The following CDC45 variants were observed in gnomAD, a reference collection of about 807,000 sequenced individuals.
CDC45 encodes cell division control protein 45 homolog.
Under a neutral mutation model 77.8 loss-of-function variants are expected in CDC45, and 54 were observed. The ratio of observed to expected loss-of-function variants is 0.69; its 90% CI spans 0.56 to 0.87. The LOEUF is 0.87. Ranked by LOEUF, CDC45 falls within the 40% of genes least tolerant of loss-of-function variation. CDC45 has a pLI of 0.00. For synonymous variants in CDC45, 260 were observed against 272.1 expected, an observed-to-expected ratio of 0.96 and a Z score of 0.44; for missense variants, 649 against 721.6, an observed-to-expected ratio of 0.90 and a Z score of 1.15.
intron 9 of CDC45, among the ~76,000 whole-genome samples, chr22:19,504,576 G>C (rs1356208395): frequency 1.3e-5 from 2 of 152,084 alleles, no homozygotes; most frequent in Non-Finnish European, 2.9e-5. Flanking sequence ...TGGGATTACA[G>C]GCATGAGCCA....
chr22:19,479,980 C>T lies in CDC45; in HGVS notation c.12C>T (p.Ser4=). ...CGGCCGCCGTGGCTATGTTCGTGTCCGATTTCCGCAAAGAGTTCTACGAGG... is the reference window on the plus strand; with the variant it reads ...CGGCCGCCGTGGCTATGTTCGTGTCTGATTTCCGCAAAGAGTTCTACGAGG... MFV[S]DFRKEFYEVV... The change falls in exon 1 of 19, where the codon TCC becomes TCT. Residue 4 remains serine (S), a synonymous_variant. Transcript: ENST00000263201. 1 of 1,613,782 alleles carries T rather than the reference C, an allele frequency of 6.2e-7. No homozygotes were observed.
chr22:19,498,652 G>A (rs2090286382), intron 8 of CDC45, among the ~76,000 whole-genome samples: 1 of 152,246 alleles, frequency 6.6e-6, no homozygotes, highest in Non-Finnish European at 1.5e-5. Flanking sequence ...CCCCTGTGCT[G>A]GGGGCATGTG....
chr22:19,497,484 G>A (rs373281950), intron 8 of CDC45, 37 bp downstream of exon 8: 17 of 1,581,868 alleles, frequency 1.1e-5, no homozygotes, highest in African/African-American at 4.0e-5. Context: ...GGGAGTATTT[G>A]TTGCCTTGGT....
intron 9 of CDC45, chr22:19,505,102 G>A: frequency 2.0e-6 from 1 of 498,662 alleles, no homozygotes; most frequent in East Asian, 3.6e-5. Flanking sequence ...CCTCTGCGGT[G>A]CCCATTCTCA....
At chr22:19,517,744 C>T (rs942699655) in intron 17 of CDC45, among the ~76,000 whole-genome samples, 19 of 152,276 alleles carry the variant, frequency 1.2e-4, no homozygotes, top group African/African-American at 4.1e-4. Context: ...GTGTCCAAAC[C>T]GTTTCATCTT....
Position 19,514,960 on chromosome 22 carries a change from C to T in CDC45, c.1357-5C>T, listed in dbSNP as rs374028346. On this transcript the variant is annotated splice_region_variant and splice_polypyrimidine_tract_variant and intron_variant, in intron 14 of 18. Transcript: ENST00000263201. ...TTCGTCTGACCATCTGTCTCGCCTC[C>T]GCAGGGCACTCCAGATGTCATGCTG... 2.4e-5 allele frequency: 38 copies of T among 1,614,096 alleles called. No individual in the cohort carries two copies. The highest frequency in any genetic ancestry group is 1.6e-4 in the Middle Eastern group (1 of 6,084).
At chr22:19,485,053 T>A (rs1380864700) in intron 5 of CDC45, among the ~76,000 whole-genome samples, 1 of 152,108 alleles carries the variant, frequency 6.6e-6, no homozygotes, top group African/African-American at 2.4e-5. Flanking sequence ...ACTAAGCACA[T>A]GCCACTACAC....
chr22:19,502,217 A>G (rs1403379243), intron 9 of CDC45, among the ~76,000 whole-genome samples: 1 of 152,222 alleles, frequency 6.6e-6, no homozygotes, highest in Non-Finnish European at 1.5e-5. Flanking sequence ...TTTTATGCAA[A>G]GTCCTGACAC....
chr22:19,508,920 G>T (rs1201645039), intron 13 of CDC45, among the ~76,000 whole-genome samples: 3 of 151,738 alleles, frequency 2.0e-5, no homozygotes, highest in Admixed American at 6.6e-5. Flanking sequence ...TTTTCTTTTT[G>T]ATTTTTAAAA....
intron 13 of CDC45, among the ~76,000 whole-genome samples, chr22:19,512,684 C>A (rs1283153334): frequency 6.6e-6 from 1 of 152,188 alleles, no homozygotes; most frequent in Non-Finnish European, 1.5e-5. Context: ...AGTTTTGCCA[C>A]TATTTTTAAC....
At chr22:19,503,595 C>G (rs1038887159) in intron 9 of CDC45, among the ~76,000 whole-genome samples, 1 of 152,196 alleles carries the variant, frequency 6.6e-6, no homozygotes, top group African/African-American at 2.4e-5. Context: ...CTTTCACAAA[C>G]ATAAACCTAC....
At chr22:19,510,127 A>G (rs555103208) in intron 13 of CDC45, among the ~76,000 whole-genome samples, 2 of 152,046 alleles carry the variant, frequency 1.3e-5, no homozygotes, top group South Asian at 4.2e-4. Flanking sequence ...ACGCCTTGCT[A>G]ATTTTAAAAA....
intron 10 of CDC45, among the ~76,000 whole-genome samples, chr22:19,505,797 T>C (rs1239706432): frequency 6.6e-6 from 1 of 152,190 alleles, no homozygotes; most frequent in Non-Finnish European, 1.5e-5. Context: ...GCAGCTGCCA[T>C]GTAATCACAC....
chr22:19,518,978 C>A, intron 18 of CDC45, 69 bp downstream of exon 18: 2 of 1,162,698 alleles, frequency 1.7e-6, no homozygotes, highest in South Asian at 1.2e-5. Flanking sequence ...ATGCCCTGCT[C>A]TGTCCTCCCT....
At chr22:19,488,727 C>G (rs1032761444) in intron 5 of CDC45, among the ~76,000 whole-genome samples, 2 of 152,172 alleles carry the variant, frequency 1.3e-5, no homozygotes, top group Non-Finnish European at 2.9e-5. Flanking sequence ...AAGATGCAAC[C>G]ACCATCCCAC....
At chr22:19,504,745 C>CA (rs1420668099) in intron 9 of CDC45, among the ~76,000 whole-genome samples, 1 of 152,132 alleles carries the variant, frequency 6.6e-6, no homozygotes, top group Non-Finnish European at 1.5e-5. Context: ...CGGAGCAGCT[C>CA]AGTCAGTAGC....
At chr22:19,505,235 C>T (rs1440847798) in intron 9 of CDC45, 127 bp from the exon 10 acceptor site, 2 of 1,077,474 alleles carry the variant, frequency 1.9e-6, no homozygotes, top group Non-Finnish European at 2.8e-6. Flanking sequence ...TTAGTCCCTG[C>T]ATGGGAACAG....
At chr22:19,515,144 C>G (rs1428990151) in intron 15 of CDC45, 96 bp downstream of exon 15, 1 of 1,131,506 alleles carries the variant, frequency 8.8e-7, no homozygotes, top group Admixed American at 2.7e-5. Flanking sequence ...GTGCCTGTGG[C>G]TGTTGACCAG....
At chr22:19,506,536 C>A (rs756475171) in intron 10 of CDC45, among the ~76,000 whole-genome samples, 1 of 152,116 alleles carries the variant, frequency 6.6e-6, no homozygotes, top group Non-Finnish European at 1.5e-5. Flanking sequence ...AGGAAGCAGG[C>A]AGGACCAGGC....
Sources: allele counts gnomAD v4.1 joint callset (sites outside exome capture counted in the v4.1 genomes callset), GRCh38; gene constraint gnomAD v4.1.1; transcripts MANE v1.5; gene names NCBI Gene and HGNC (gene_info 2026-07-23, HGNC 2026-07-21).